Variants in ZBTB41 observed in about 807,000 individuals in gnomAD.
ZBTB41 encodes zinc finger and BTB domain containing 41.
ZBTB41 carries 42 observed loss-of-function variants against 87.6 expected under a neutral mutation model. The observed-to-expected ratio is 0.48, with a 90% CI of 0.37 to 0.62. The LOEUF is 0.62. Among genes scored for constraint, ZBTB41 ranks in the 20% least tolerant of loss-of-function variants. The pLI, the probability that ZBTB41 is intolerant of heterozygous loss-of-function variation, is 0.00. For missense variants in ZBTB41, 799 were observed against 1,078.9 expected, an observed-to-expected ratio of 0.74 and a Z score of 3.63; for synonymous variants, 364 against 364.0, an observed-to-expected ratio of 1.00 and a Z score of 0.00.
intron 7 of ZBTB41, 24 bp from the exon 8 acceptor site, chr1:197,176,694 A>G: frequency 2.7e-6 from 4 of 1,503,014 alleles, no homozygotes; most frequent in Non-Finnish European, 2.8e-6. Flanking sequence ...AGAATTGAAC[A>G]CCATTAAAAC....
intron 10 of ZBTB41, among the ~76,000 whole-genome samples, chr1:197,163,019 C>T (rs773956163): frequency 2.6e-5 from 4 of 152,146 alleles, no homozygotes; most frequent in Non-Finnish European, 4.4e-5. Context: ...ACAGGGTTGA[C>T]CAATATTTCA....
At chr1:197,197,559 G>GGGAA (rs113739892) in intron 2 of ZBTB41, among the ~76,000 whole-genome samples, 9,640 of 139,070 alleles carry the variant, frequency 0.069, 1,234 homozygotes, top group African/African-American at 0.24. Context: ...GAGAGAGGGA[G>GGGAA]GGAAGGAGGG....
chr1:197,194,618 G>GAAAAAAAAAAA (rs71131750), intron 2 of ZBTB41, among the ~76,000 whole-genome samples: 2 of 135,772 alleles, frequency 1.5e-5, no homozygotes, highest in African/African-American at 5.5e-5. Flanking sequence ...ATTTAAGCAA[G>GAAAAAAAAAAA]AAAAAAAAAA....
Position 197,156,612 on chromosome 1 carries a change from C to A in ZBTB41, c.*2747G>T, listed in dbSNP as rs979118799. ...TGAAAAGAATAGGCCTCCTTTTATACTTTTTGTGCCAACTTTTGTCAAAAG... is the reference window on the plus strand; with the variant it reads ...TGAAAAGAATAGGCCTCCTTTTATAATTTTTGTGCCAACTTTTGTCAAAAG... On this transcript the variant is annotated 3_prime_UTR_variant, in exon 11 of 11. Transcript: ENST00000367405. 19 of 152,202 alleles carry A rather than the reference C, an allele frequency of 1.2e-4. No homozygotes were observed. The highest frequency in any genetic ancestry group is 3.4e-4 in the African/African-American group (14 of 41,422). The allele number at this position is 152,202 out of a possible 1,614,324, so 9.4% of individuals were successfully genotyped here.
intron 5 of ZBTB41, among the ~76,000 whole-genome samples, chr1:197,184,391 A>T (rs376520822): frequency 6.6e-5 from 10 of 152,204 alleles, no homozygotes; most frequent in African/African-American, 2.4e-4. Context: ...CCTTGAAAGT[A>T]TTTGAAGACA....
At chr1:197,173,891 G>T (rs1659535546) in intron 9 of ZBTB41, among the ~76,000 whole-genome samples, 1 of 152,030 alleles carries the variant, frequency 6.6e-6, no homozygotes, top group Admixed American at 6.6e-5. Context: ...TTCACATCTG[G>T]GGATACGATA....
In ZBTB41 at chr1:197,168,564, A is replaced by G. The variant is rs540526447; in HGVS notation, c.2074+3596T>C. 4.6e-5 allele frequency among the ~76,000 whole-genome samples: 7 copies of G among 152,224 alleles called. No individual in the cohort carries two copies. In the South Asian group the frequency reaches 1.0e-3, roughly 23 times the overall value. ...ATAGCGCTAAAGCAATTGGATAACCATATGTTAAAAAAAGAACTTTCACCT... is the reference window on the plus strand; with the variant it reads ...ATAGCGCTAAAGCAATTGGATAACCGTATGTTAAAAAAAGAACTTTCACCT... On this transcript the variant is annotated intron_variant, in intron 10 of 10. Transcript: ENST00000367405.
At position 197,159,089 on chromosome 1, in the gene ZBTB41, T is replaced by A; in HGVS notation, c.*270A>T. 1 of 346,106 alleles carries A rather than the reference T, an allele frequency of 2.9e-6. No homozygotes were observed. Among genetic ancestry groups the A allele is most frequent in the Non-Finnish European group, 5.2e-6 (1 of 191,980 alleles). The allele number at this position is 346,106 out of a possible 1,614,324, so 21.4% of individuals were successfully genotyped here. Reference sequence around the variant, plus strand: ...ATACTTCCATAATATCAGCAGCTAATAATTGCAAAAAATTTAAGAAACCAT... The same window carrying A: ...ATACTTCCATAATATCAGCAGCTAAAAATTGCAAAAAATTTAAGAAACCAT... On this transcript the variant is annotated 3_prime_UTR_variant, in exon 11 of 11. Coordinates refer to ENST00000367405, the MANE Select transcript of ZBTB41 (RefSeq NM_194314.3).
At chr1:197,194,441 G>A (rs942540740) in intron 2 of ZBTB41, among the ~76,000 whole-genome samples, 1 of 151,916 alleles carries the variant, frequency 6.6e-6, no homozygotes, top group African/African-American at 2.4e-5. Flanking sequence ...TTAATAATTA[G>A]CAGCATTCTC....
Position 197,154,312 on chromosome 1 carries a change from C to T in ZBTB41, c.*5047G>A, listed in dbSNP as rs141761403. 3 of 152,326 alleles carry T rather than the reference C, an allele frequency of 2.0e-5. No homozygotes were observed. The highest frequency in any genetic ancestry group is 4.4e-5 in the Non-Finnish European group (3 of 67,940). The allele number at this position is 152,326 out of a possible 1,614,324, so 9.4% of individuals were successfully genotyped here. A position where few individuals can be genotyped will look rare whatever the true frequency, so the allele number is the denominator to read the frequency against. On this transcript the variant is annotated 3_prime_UTR_variant, in exon 11 of 11. Coordinates refer to ENST00000367405, the MANE Select transcript of ZBTB41 (RefSeq NM_194314.3). ...TTCTTTACCTAAGAATTTGACCAAA[C>T]AAGGTTATATTCTTTGTATAACCTC...
intron 2 of ZBTB41, among the ~76,000 whole-genome samples, chr1:197,197,165 G>T (rs202077197): frequency 6.6e-6 from 1 of 152,062 alleles, no homozygotes; most frequent in East Asian, 1.9e-4. Flanking sequence ...CCCATGAGAA[G>T]GTACTATTAG....
At chr1:197,192,634 T>C (rs1660064562) in intron 2 of ZBTB41, among the ~76,000 whole-genome samples, 1 of 152,066 alleles carries the variant, frequency 6.6e-6, no homozygotes, top group Admixed American at 6.6e-5. Context: ...GGAAAATAAA[T>C]CAACATGAAA....
chr1:197,159,092 T>G lies in ZBTB41; in HGVS notation c.*267A>C. The G allele has an allele frequency of 2.8e-6, 1 of 350,926 alleles. No homozygotes were observed. The highest frequency in any genetic ancestry group is 5.1e-6 in the Non-Finnish European group (1 of 195,094). The allele number at this position is 350,926 out of a possible 1,614,324, so 21.7% of individuals were successfully genotyped here. On this transcript the variant is annotated 3_prime_UTR_variant, in exon 11 of 11. Transcript: ENST00000367405. ...CTTCCATAATATCAGCAGCTAATAA[T>G]TGCAAAAAATTTAAGAAACCATTAA...
intron 10 of ZBTB41, among the ~76,000 whole-genome samples, chr1:197,161,083 A>AGGGGCTATAG (rs1258144217): frequency 6.6e-6 from 1 of 152,150 alleles, no homozygotes; most frequent in African/African-American, 2.4e-5. Flanking sequence ...CTGAATGAGC[A>AGGGGCTATAG]GGAAACTCAT....
intron 2 of ZBTB41, among the ~76,000 whole-genome samples, chr1:197,193,926 C>G (rs1473538310): frequency 1.3e-5 from 2 of 152,158 alleles, no homozygotes; most frequent in Non-Finnish European, 2.9e-5. Flanking sequence ...TGGAACAGGT[C>G]CATTTTTAAC....
chr1:197,169,346 T>C (rs951144779), intron 10 of ZBTB41, among the ~76,000 whole-genome samples: 1 of 151,788 alleles, frequency 6.6e-6, no homozygotes, highest in Admixed American at 6.6e-5. Context: ...AAAAGTAGAA[T>C]GAATAAATTG....
intron 5 of ZBTB41, among the ~76,000 whole-genome samples, chr1:197,183,257 A>C (rs575446108): frequency 6.6e-6 from 1 of 152,188 alleles, no homozygotes; most frequent in East Asian, 1.9e-4. Context: ...AATGAAAACT[A>C]TGCCTGGCTC....
At position 197,199,664 on chromosome 1, in the gene ZBTB41, TTCA is replaced by T. The variant is rs1323089499; in HGVS notation, c.807_809del (p.Asp269del). The T allele has an allele frequency of 3.1e-6, 5 of 1,613,496 alleles. No individual in the cohort carries two copies. In the Admixed American group the frequency reaches 6.7e-5, roughly 22 times the overall value. On this transcript the variant is annotated inframe_deletion, in exon 2 of 11. Transcript: ENST00000367405. The stretch of plus-strand genomic sequence containing the variant: ...TGTCTGACCCATCACCACTTTCCTG[TTCA>T]TCATCGCTGGTGTCATCAAACTTAA...
At chr1:197,180,276 A>T (rs1659711364) in intron 6 of ZBTB41, among the ~76,000 whole-genome samples, 1 of 152,132 alleles carries the variant, frequency 6.6e-6, no homozygotes, top group Non-Finnish European at 1.5e-5. Context: ...TAAACCACAT[A>T]GCCTACATGT....
Sources: gnomAD v4.1 joint callset for allele counts (sites outside exome capture counted in the v4.1 genomes callset) on GRCh38, gnomAD v4.1.1 for gene constraint, MANE v1.5 for transcripts, NCBI Gene and HGNC (gene_info 2026-07-23, HGNC 2026-07-21) for gene names.